The following PHACTR1 variants were observed in gnomAD, a reference collection of about 807,000 sequenced individuals.
PHACTR1 encodes RPEL repeat containing 1.
PHACTR1 carries 16 observed loss-of-function variants against 69.2 expected under a neutral mutation model. That is an observed-to-expected ratio of 0.23 (90% CI 0.16 to 0.35). The LOEUF (loss-of-function observed/expected upper bound fraction) is 0.35, where lower values mean the gene tolerates loss of function less well. Ranked by LOEUF, PHACTR1 falls within the 10% of genes least tolerant of loss-of-function variation. PHACTR1 has a pLI of 1.00. For missense variants in PHACTR1, 510 were observed against 734.7 expected (o/e 0.69, Z 3.54); for synonymous variants, 312 against 284.5 (o/e 1.10, Z -0.97).
intron 10 of PHACTR1, among the ~76,000 whole-genome samples, chr6:13,257,479 G>A (rs896235775): frequency 4.6e-5 from 7 of 152,008 alleles, no homozygotes; most frequent in African/African-American, 1.7e-4. Context: ...TCTGGAAAAC[G>A]TTCATCAGAT....
Position 12,827,882 on chromosome 6 carries a change from A to AG in PHACTR1, c.250+78099dup, listed in dbSNP as rs60464269. On this transcript the variant is annotated intron_variant, in intron 4 of 14. Transcript: ENST00000332995. ...TTCTTTTCTGTCTTATGTGAGGGTG[A>AG]GGGGGGGTGAAGCTTGCAATAAATA... is the stretch of plus-strand genomic sequence containing the variant. Among the ~76,000 whole-genome samples the AG allele has an allele frequency of 4.3e-4, 65 of 152,092 alleles. 1 individual carries two copies. In the South Asian group the frequency reaches 0.011, roughly 25 times the overall value.
chr6:12,932,049 G>C (rs1788929245), intron 4 of PHACTR1, among the ~76,000 whole-genome samples: 1 of 152,050 alleles, frequency 6.6e-6, no homozygotes, highest in Non-Finnish European at 1.5e-5. Context: ...AATCAGAAAT[G>C]CTGGAGGTAG....
At chr6:12,883,518 CTT>C (rs149392183) in intron 4 of PHACTR1, among the ~76,000 whole-genome samples, 11 of 141,118 alleles carry the variant, frequency 7.8e-5, no homozygotes, top group Non-Finnish European at 1.1e-4. Flanking sequence ...CCCGTCCAAG[CTT>C]TTTTTTTTTT....
chr6:12,892,833 A>C (rs757728158), intron 4 of PHACTR1, among the ~76,000 whole-genome samples: 16 of 152,256 alleles, frequency 1.1e-4, no homozygotes, highest in Non-Finnish European at 2.2e-4. Context: ...ATTAAGCAGC[A>C]TAAGTTCCAC....
chr6:12,783,913 T>A (rs1370009139), intron 4 of PHACTR1, among the ~76,000 whole-genome samples: 1 of 152,156 alleles, frequency 6.6e-6, no homozygotes, highest in South Asian at 2.1e-4. Context: ...AAGAGACCAA[T>A]TAGTTTTATG....
In PHACTR1 at chr6:13,179,579, A is replaced by T. The variant is rs1429791839; in HGVS notation, c.497-2940A>T. Among the ~76,000 whole-genome samples the T allele has an allele frequency of 6.6e-6, 1 of 152,142 alleles. No individual in the cohort carries two copies. Among genetic ancestry groups the T allele is most frequent in the African/African-American group, 2.4e-5 (1 of 41,434 alleles). On this transcript the variant is annotated intron_variant, in intron 6 of 14. Coordinates refer to ENST00000332995, the MANE Select transcript of PHACTR1 (RefSeq NM_030948.6). The surrounding 1 kb of genome is among the most constrained non-coding windows in gnomAD (Gnocchi z 4.2). ...TTGGTCATAAATGATATTAATAATG[A>T]ATTTGTACTTATTGAATGGTTTTCA...
intron 3 of PHACTR1, among the ~76,000 whole-genome samples, chr6:12,721,435 T>C (rs1762116003): frequency 6.6e-6 from 1 of 151,612 alleles, no homozygotes; most frequent in South Asian, 2.1e-4. Context: ...AAATGTGGCC[T>C]GATAAAAGTT....
intron 4 of PHACTR1, among the ~76,000 whole-genome samples, chr6:12,973,985 G>T (rs1794556950): frequency 7.6e-6 from 1 of 132,144 alleles, no homozygotes; most frequent in Non-Finnish European, 1.5e-5. Context: ...GCAGTGGCAC[G>T]ATCTCAGCTC....
At chr6:12,904,402 C>G (rs1268625244) in intron 4 of PHACTR1, among the ~76,000 whole-genome samples, 2 of 151,922 alleles carry the variant, frequency 1.3e-5, no homozygotes, top group Non-Finnish European at 2.9e-5. Flanking sequence ...GGCGTGGTGG[C>G]AGGTGCCTGT....
intron 4 of PHACTR1, among the ~76,000 whole-genome samples, chr6:12,948,833 ATATAT>A (rs1790955166): frequency 6.6e-6 from 1 of 152,184 alleles, no homozygotes; most frequent in South Asian, 2.1e-4. Context: ...CAATTTAGTG[ATATAT>A]TAAATTTTAC....
At chr6:12,887,084 T>C (rs996249734) in intron 4 of PHACTR1, among the ~76,000 whole-genome samples, 1 of 152,096 alleles carries the variant, frequency 6.6e-6, no homozygotes. Flanking sequence ...CTGGAGACTT[T>C]CCCAGCCAGC....
chr6:12,928,650 G>A (rs9296524), intron 4 of PHACTR1, among the ~76,000 whole-genome samples: 27,082 of 128,788 alleles, frequency 0.21, 6,261 homozygotes, highest in African/African-American at 0.58. Context: ...CGTTCATGTG[G>A]TGAGCCCTGA....
At chr6:13,185,117 CTGTGGGATGTT>C in intron 7 of PHACTR1, 1 of 837,230 alleles carries the variant, frequency 1.2e-6, no homozygotes, top group Admixed American at 3.6e-5. Flanking sequence ...GGAGGTTGCC[CTGTGGGATGTT>C]TGGGTGTTTC....
At chr6:12,726,868 C>T (rs886769332) in intron 3 of PHACTR1, among the ~76,000 whole-genome samples, 1 of 152,134 alleles carries the variant, frequency 6.6e-6, no homozygotes, top group African/African-American at 2.4e-5. Flanking sequence ...AGGTAATATC[C>T]TGTATTTTTG....
At chr6:13,133,815 T>C (rs1461658602) in intron 5 of PHACTR1, among the ~76,000 whole-genome samples, 4 of 138,036 alleles carry the variant, frequency 2.9e-5, no homozygotes, top group Non-Finnish European at 4.6e-5. Context: ...GTGAGGAGCG[T>C]CTCTGCCCAG....
chr6:12,923,873 T>C (rs1582509836), intron 4 of PHACTR1, among the ~76,000 whole-genome samples: 1 of 152,220 alleles, frequency 6.6e-6, no homozygotes, highest in Non-Finnish European at 1.5e-5. Flanking sequence ...ACTAATTTTA[T>C]AAGCAGTAGG....
chr6:12,739,308 T>C (rs1290098701), intron 3 of PHACTR1, among the ~76,000 whole-genome samples: 4 of 152,098 alleles, frequency 2.6e-5, no homozygotes, highest in African/African-American at 9.7e-5. Flanking sequence ...GACAGGATGA[T>C]AGCCTAAAAA....
At chr6:13,260,269 G>T (rs1299691228) in intron 10 of PHACTR1, among the ~76,000 whole-genome samples, 1 of 152,172 alleles carries the variant, frequency 6.6e-6, no homozygotes. Context: ...TCCATAGACA[G>T]AACTACTACC....
intron 6 of PHACTR1, among the ~76,000 whole-genome samples, chr6:13,163,383 G>A (rs894445611): frequency 6.6e-6 from 1 of 152,224 alleles, no homozygotes. Flanking sequence ...ATCACTGTCT[G>A]TTCTTTCTGT....
Sources: allele counts gnomAD v4.1 joint callset (sites outside exome capture counted in the v4.1 genomes callset), GRCh38; gene constraint gnomAD v4.1.1; non-coding constraint Gnocchi (gnomAD v3.1); transcripts MANE v1.5; gene names NCBI Gene and HGNC (gene_info 2026-07-23, HGNC 2026-07-21).